RPS6KA2: variants seen among roughly 807,000 people sequenced by gnomAD.
RPS6KA2 encodes the protein ribosomal protein S6 kinase A2.
A neutral mutation model predicts 91.8 loss-of-function variants in RPS6KA2; 42 were observed. The observed-to-expected ratio is 0.46, with a 90% confidence interval of 0.36 to 0.59. The LOEUF is 0.59. RPS6KA2 is among the 20% of genes least tolerant of loss of function. The pLI, the probability that RPS6KA2 is intolerant of heterozygous loss-of-function variation, is 0.00. For missense variants in RPS6KA2, 798 were observed against 978.5 expected (o/e 0.82, Z 2.46); for synonymous variants, 414 against 393.6 (o/e 1.05, Z -0.61).
chr6:166,547,430 TTGGCAG>T (rs1452016837), intron 1 of RPS6KA2, among the ~76,000 whole-genome samples: 1 of 152,200 alleles, frequency 6.6e-6, no homozygotes, highest in African/African-American at 2.4e-5. Context: ...GGCAGCTGAG[TTGGCAG>T]CTGAGTGCCC....
intron 2 of RPS6KA2, among the ~76,000 whole-genome samples, chr6:166,745,006 C>A (rs142714246): frequency 6.6e-6 from 1 of 152,246 alleles, no homozygotes; most frequent in African/African-American, 2.4e-5. Context: ...TCACTTCTCA[C>A]GGTTCTGGAG....
At chr6:166,698,995 G>C (rs368851292) in intron 2 of RPS6KA2, among the ~76,000 whole-genome samples, 65 of 152,322 alleles carry the variant, frequency 4.3e-4, no homozygotes, top group African/African-American at 1.5e-3. Flanking sequence ...GTGTTTTTCA[G>C]GAGGATGTGG....
chr6:166,479,311 G>A (rs1417737992), intron 10 of RPS6KA2, among the ~76,000 whole-genome samples: 1 of 152,250 alleles, frequency 6.6e-6, no homozygotes, highest in Admixed American at 6.5e-5. Flanking sequence ...CACTTGCTCT[G>A]GACGAAAGCA....
intron 2 of RPS6KA2, among the ~76,000 whole-genome samples, chr6:166,800,233 C>T (rs970817969): frequency 2.6e-5 from 4 of 152,162 alleles, no homozygotes; most frequent in Admixed American, 6.5e-5. Flanking sequence ...ACCAGGAGGC[C>T]GGCAAAGAGG....
chr6:166,745,762 G>C (rs1790988064), intron 2 of RPS6KA2, among the ~76,000 whole-genome samples: 1 of 152,172 alleles, frequency 6.6e-6, no homozygotes, highest in Non-Finnish European at 1.5e-5. Context: ...ATCTACCTCG[G>C]GTGTGTGAGG....
At chr6:166,567,870 G>A (rs1476778004) in intron 1 of RPS6KA2, among the ~76,000 whole-genome samples, 1 of 152,162 alleles carries the variant, frequency 6.6e-6, no homozygotes, top group African/African-American at 2.4e-5. Flanking sequence ...CCAAGGGCCT[G>A]TCAGAAAAAT....
intron 1 of RPS6KA2, among the ~76,000 whole-genome samples, chr6:166,596,581 G>A (rs931920575): frequency 2.0e-4 from 31 of 152,112 alleles, no homozygotes; most frequent in Admixed American, 1.3e-4. Context: ...AGGGGCTCTC[G>A]GGCCTTCGCT....
At chr6:166,592,190 T>A in intron 1 of RPS6KA2, among the ~76,000 whole-genome samples, 1 of 152,264 alleles carries the variant, frequency 6.6e-6, no homozygotes, top group African/African-American at 2.4e-5. Context: ...TCACATATTA[T>A]AAATAGTAGC....
chr6:166,694,922 G>C (rs370139250), intron 2 of RPS6KA2, among the ~76,000 whole-genome samples: 19 of 152,254 alleles, frequency 1.2e-4, no homozygotes, highest in African/African-American at 4.6e-4. Context: ...TGATCCATAT[G>C]CTATTTGCTT....
chr6:166,505,175 G>T (rs1275401583), intron 5 of RPS6KA2, among the ~76,000 whole-genome samples: 1 of 152,120 alleles, frequency 6.6e-6, no homozygotes, highest in Non-Finnish European at 1.5e-5. Context: ...AGTTGGCTAT[G>T]GGTGCCCCAA....
intron 2 of RPS6KA2, among the ~76,000 whole-genome samples, chr6:166,812,684 C>T (rs996004858): frequency 2.6e-5 from 4 of 152,212 alleles, no homozygotes; most frequent in Non-Finnish European, 5.9e-5. Flanking sequence ...TCACATCTCA[C>T]TCCAGGAATA....
chr6:166,582,750 A>G (rs1211497098), intron 1 of RPS6KA2, among the ~76,000 whole-genome samples: 1 of 152,236 alleles, frequency 6.6e-6, no homozygotes, highest in Non-Finnish European at 1.5e-5. Flanking sequence ...AACGCTTTGA[A>G]AGAACTTCTT....
chr6:166,800,027 C>T (rs532248776), intron 2 of RPS6KA2, among the ~76,000 whole-genome samples: 4 of 144,906 alleles, frequency 2.8e-5, no homozygotes, highest in East Asian at 4.1e-4. Flanking sequence ...TCGTGGAGAC[C>T]GTGGGTTCCT....
intron 2 of RPS6KA2, among the ~76,000 whole-genome samples, chr6:166,697,752 G>T (rs1331939727): frequency 1.3e-5 from 2 of 152,050 alleles, no homozygotes; most frequent in Admixed American, 6.6e-5. Context: ...TTTGCTACAG[G>T]GTTTGTTTGG....
At chr6:166,725,002 A>G (rs1790292825) in intron 2 of RPS6KA2, among the ~76,000 whole-genome samples, 1 of 152,200 alleles carries the variant, frequency 6.6e-6, no homozygotes, top group Admixed American at 6.5e-5. Flanking sequence ...AGTTGAGGAA[A>G]TGAAAACAGA....
At chr6:166,530,622 C>G (rs1392005383) in intron 3 of RPS6KA2, among the ~76,000 whole-genome samples, 4 of 152,206 alleles carry the variant, frequency 2.6e-5, no homozygotes, top group African/African-American at 9.6e-5. Context: ...CCTCTCTCAC[C>G]AACACAGTGA....
chr6:166,574,529 T>C (rs1056079004), intron 1 of RPS6KA2, among the ~76,000 whole-genome samples: 1 of 152,224 alleles, frequency 6.6e-6, no homozygotes, highest in Admixed American at 6.5e-5. Flanking sequence ...ATCACGTATA[T>C]GTACCACATT....
At chr6:166,651,435 T>C (rs1211164917) in intron 2 of RPS6KA2, among the ~76,000 whole-genome samples, 1 of 152,256 alleles carries the variant, frequency 6.6e-6, no homozygotes, top group Non-Finnish European at 1.5e-5. Context: ...TGGTTTTCTA[T>C]GTATTTCTAA....
intron 2 of RPS6KA2, among the ~76,000 whole-genome samples, chr6:166,535,343 G>A (rs1361234681): frequency 6.6e-6 from 1 of 152,104 alleles, no homozygotes; most frequent in Non-Finnish European, 1.5e-5. Flanking sequence ...CTTCAAGCAG[G>A]AGCTAAATGC....
Sources: allele counts gnomAD v4.1 joint callset (sites outside exome capture counted in the v4.1 genomes callset), GRCh38; gene constraint gnomAD v4.1.1; transcripts MANE v1.5; gene names NCBI Gene and HGNC (gene_info 2026-07-23, HGNC 2026-07-21).